The following MAML3 variants were observed in gnomAD, a reference collection of about 807,000 sequenced individuals.
MAML3 encodes mastermind-like protein 3.
A neutral mutation model predicts 101.9 loss-of-function variants in MAML3; 27 were observed. The ratio of observed to expected loss-of-function variants is 0.27; its 90% CI spans 0.20 to 0.37. The LOEUF is 0.37. Ranked by LOEUF, MAML3 falls within the 10% of genes least tolerant of loss-of-function variation. MAML3 has a pLI of 1.00. For missense variants in MAML3, 1,316 were observed against 1,444.9 expected (o/e 0.91, Z 1.45); for synonymous variants, 501 against 555.9 (o/e 0.90, Z 1.39).
chr4:139,945,471 C>T (rs939432331), intron 1 of MAML3, among the ~76,000 whole-genome samples: 5 of 152,152 alleles, frequency 3.3e-5, no homozygotes, highest in Non-Finnish European at 7.3e-5. Context: ...GATGCCAATA[C>T]CTCTTTTCAA....
At chr4:139,721,105 A>G (rs1728215247) in intron 4 of MAML3, among the ~76,000 whole-genome samples, 1 of 152,246 alleles carries the variant, frequency 6.6e-6, no homozygotes, top group African/African-American at 2.4e-5. Context: ...AACTTTACGC[A>G]TTTCTACAGC....
At chr4:139,917,119 T>C (rs1733043430) in intron 1 of MAML3, among the ~76,000 whole-genome samples, 1 of 152,178 alleles carries the variant, frequency 6.6e-6, no homozygotes, top group Non-Finnish European at 1.5e-5. Flanking sequence ...TTTTCTCAGA[T>C]TCTCAGTGCG....
intron 1 of MAML3, among the ~76,000 whole-genome samples, chr4:140,112,799 C>T (rs1336468596): frequency 6.6e-6 from 1 of 152,194 alleles, no homozygotes; most frequent in Non-Finnish European, 1.5e-5. Context: ...GGGAAAATTG[C>T]ATCTGGTTCC....
chr4:140,077,886 C>T (rs1425362198), intron 1 of MAML3, among the ~76,000 whole-genome samples: 2 of 151,910 alleles, frequency 1.3e-5, no homozygotes, highest in African/African-American at 2.4e-5. Context: ...GGCATAGTGG[C>T]GGGCACCTGT....
intron 3 of MAML3, among the ~76,000 whole-genome samples, chr4:139,728,293 C>T (rs935309193): frequency 1.1e-4 from 17 of 152,174 alleles, no homozygotes; most frequent in Non-Finnish European, 2.4e-4. Flanking sequence ...AAATCTGCAC[C>T]CTCCTCAGGT....
At chr4:139,858,902 G>A (rs1262580494) in intron 2 of MAML3, among the ~76,000 whole-genome samples, 4 of 152,150 alleles carry the variant, frequency 2.6e-5, no homozygotes, top group Non-Finnish European at 5.9e-5. Context: ...TACTGGATCT[G>A]AAGTCATCTA....
At chr4:139,887,533 C>T (rs1732368266) in intron 2 of MAML3, among the ~76,000 whole-genome samples, 1 of 152,198 alleles carries the variant, frequency 6.6e-6, no homozygotes, top group South Asian at 2.1e-4. Flanking sequence ...GGCATAAGGA[C>T]CTCAAAGAAG....
intron 1 of MAML3, among the ~76,000 whole-genome samples, chr4:139,981,051 G>A (rs928276349): frequency 5.9e-5 from 9 of 152,146 alleles, no homozygotes; most frequent in African/African-American, 1.9e-4. Flanking sequence ...TCCTAGAGCT[G>A]CCACAACAAA....
intron 1 of MAML3, among the ~76,000 whole-genome samples, chr4:140,103,538 C>T (rs148615181): frequency 1.6e-4 from 24 of 152,310 alleles, no homozygotes; most frequent in African/African-American, 5.8e-4. Flanking sequence ...GGCTGAGGTT[C>T]TTTTGTGCAT....
intron 1 of MAML3, among the ~76,000 whole-genome samples, chr4:140,056,862 A>C (rs2110931061): frequency 6.6e-6 from 1 of 152,132 alleles, no homozygotes; most frequent in Admixed American, 6.5e-5. Flanking sequence ...CATAAAAACC[A>C]ATCAGGAGTT....
At chr4:139,866,877 C>T (rs1360551628) in intron 2 of MAML3, among the ~76,000 whole-genome samples, 1 of 152,160 alleles carries the variant, frequency 6.6e-6, no homozygotes, top group Non-Finnish European at 1.5e-5. Context: ...GCATATAGCG[C>T]TAATACATCT....
At chr4:139,911,369 C>A (rs987534697) in intron 1 of MAML3, among the ~76,000 whole-genome samples, 1 of 152,058 alleles carries the variant, frequency 6.6e-6, no homozygotes, top group Non-Finnish European at 1.5e-5. Context: ...AGGCGCACAC[C>A]ACCACACCCA....
rs1578629128 is a variant in MAML3, at chr4:139,985,057, T to A, written c.469-94090A>T. On this transcript the variant is annotated intron_variant, in intron 1 of 4. Coordinates refer to ENST00000509479, the MANE Select transcript of MAML3 (RefSeq NM_018717.5). ...GTTTTTGATTAGAGGACATTCATTA[T>A]GACATGGAAACACCACTAGATTATA... Among the ~76,000 whole-genome samples, 4 of 152,344 alleles carry A rather than the reference T, an allele frequency of 2.6e-5. No homozygotes were observed. In the Middle Eastern group the frequency reaches 0.014, roughly 518 times the overall value.
intron 2 of MAML3, among the ~76,000 whole-genome samples, chr4:139,883,062 A>T (rs984849778): frequency 5.3e-5 from 8 of 152,196 alleles, no homozygotes; most frequent in Non-Finnish European, 4.4e-5. Context: ...AAAACAGACG[A>T]CGCAACACAG....
intron 1 of MAML3, among the ~76,000 whole-genome samples, chr4:140,009,521 C>G (rs1726514175): frequency 6.6e-6 from 1 of 152,126 alleles, no homozygotes; most frequent in African/African-American, 2.4e-5. Context: ...ACCATGCTGA[C>G]CAATGTTTAA....
At chr4:140,022,015 G>T (rs56166763) in intron 1 of MAML3, among the ~76,000 whole-genome samples, 4 of 152,064 alleles carry the variant, frequency 2.6e-5, no homozygotes, top group Non-Finnish European at 5.9e-5. Flanking sequence ...TAGCAGAGAT[G>T]GAGTGCTAAC....
At chr4:139,802,525 T>C (rs376229393) in intron 2 of MAML3, among the ~76,000 whole-genome samples, 1 of 152,076 alleles carries the variant, frequency 6.6e-6, no homozygotes, top group Non-Finnish European at 1.5e-5. Context: ...TTTTCCTCTA[T>C]CCTAAATATT....
chr4:140,139,115 T>C (rs1728942752), intron 1 of MAML3, among the ~76,000 whole-genome samples: 1 of 149,714 alleles, frequency 6.7e-6, no homozygotes, highest in South Asian at 2.1e-4. Context: ...CTACAAAAAA[T>C]TTTAAAAATT....
rs141337139 is a variant in MAML3, at chr4:139,965,112, A to G, written c.469-74145T>C. ...GGTAAAAGTATTCTACAATTCCAAG[A>G]CAGCTTGTCTCTTAAATTGCTTTCA... On this transcript the variant is annotated intron_variant, in intron 1 of 4. Transcript: ENST00000509479. Among the ~76,000 whole-genome samples the G allele has an allele frequency of 1.3e-3, 203 of 152,272 alleles. 4 individuals are homozygous for G. In the East Asian group the frequency reaches 0.038, roughly 29 times the overall value.
Sources: gnomAD v4.1 joint callset for allele counts (sites outside exome capture counted in the v4.1 genomes callset) on GRCh38, gnomAD v4.1.1 for gene constraint, MANE v1.5 for transcripts, NCBI Gene and HGNC (gene_info 2026-07-23, HGNC 2026-07-21) for gene names.